KPNA7: variants seen among roughly 807,000 people sequenced by gnomAD.
The protein encoded by KPNA7 is karyopherin subunit alpha 7.
In KPNA7, 54 loss-of-function variants were observed where a neutral mutation model predicts 53.7. The ratio of observed to expected loss-of-function variants is 1.01; its 90% CI spans 0.81 to 1.26. The LOEUF (loss-of-function observed/expected upper bound fraction) is 1.26, where lower values mean the gene tolerates loss of function less well. KPNA7 is among the 50% of genes most tolerant of loss of function. KPNA7 has a pLI of 0.00. For missense variants in KPNA7, 640 were observed against 644.5 expected (o/e 0.99, Z 0.07); for synonymous variants, 276 against 259.3 (o/e 1.06, Z -0.62).
Position 99,188,430 on chromosome 7 carries a change from A to G in KPNA7, c.770T>C (p.Val257Ala). Residue 257 changes from valine to alanine, a missense_variant, in exon 7 of 11, where the codon GTT (valine) becomes GCT (alanine). Physicochemically the swap from Val to Ala is moderately conservative, Grantham distance 64 (BLOSUM62 0). Transcript: ENST00000327442. The part of the protein sequence containing the change: ...LHLLQHQDSE[V>A]LSDACWALSY... ...CAGTGCCCAGCAGGCATCCGAGAGA[A>G]CCTCACTGTCCTGGTGCTGCAGGAG... is the stretch of plus-strand genomic sequence containing the variant. The G allele has an allele frequency of 1.3e-6, 2 of 1,551,526 alleles. No individual in the cohort carries two copies. Among genetic ancestry groups the G allele is most frequent in the Non-Finnish European group, 1.7e-6 (2 of 1,146,978 alleles).
At chr7:99,216,164 G>A (rs1295307708) in intron 1 of KPNA7, among the ~76,000 whole-genome samples, 2 of 151,662 alleles carry the variant, frequency 1.3e-5, no homozygotes, top group African/African-American at 4.8e-5. Context: ...AGGAGCTGGG[G>A]CTACAGGCAC....
the KPNA7 span, among the ~76,000 whole-genome samples, chr7:99,167,176 T>A: frequency 6.6e-6 from 1 of 152,178 alleles, no homozygotes; most frequent in Non-Finnish European, 1.5e-5. Flanking sequence ...TGGAGCCAGC[T>A]CCCACCTCTG....
intron 7 of KPNA7, among the ~76,000 whole-genome samples, chr7:99,187,400 T>TG (rs1177574243): frequency 1.3e-5 from 2 of 150,678 alleles, no homozygotes; most frequent in East Asian, 1.9e-4. Context: ...AATGGGTTGT[T>TG]TTTTTTTTTA....
intron 6 of KPNA7, among the ~76,000 whole-genome samples, chr7:99,190,252 G>T (rs376173191): frequency 6.7e-6 from 1 of 150,116 alleles, no homozygotes; most frequent in African/African-American, 2.5e-5. Context: ...CAGAAGAATC[G>T]CTTGAACCCA....
rs1215366834 is a variant in KPNA7, at chr7:99,185,832, C to A, written c.901-670G>T. 2.6e-5 allele frequency among the ~76,000 whole-genome samples: 4 copies of A among 152,014 alleles called. No homozygotes were observed. In the East Asian group the frequency reaches 5.8e-4, roughly 22 times the overall value. ...TTTTGAGACAAGGTCTTGCTGTCAC[C>A]CAGACTGGAGTATAGTGGTACGATT... On this transcript the variant is annotated intron_variant, in intron 7 of 10. Coordinates refer to ENST00000327442, the MANE Select transcript of KPNA7 (RefSeq NM_001145715.3).
upstream of KPNA7, among the ~76,000 whole-genome samples, chr7:99,210,448 A>G (rs1791036302): frequency 6.6e-6 from 1 of 152,134 alleles, no homozygotes; most frequent in Non-Finnish European, 1.5e-5. Context: ...TTCACAACAC[A>G]TGACAAAGTA....
chr7:99,199,180 C>T (rs1288590759), intron 3 of KPNA7, among the ~76,000 whole-genome samples: 3 of 151,428 alleles, frequency 2.0e-5, no homozygotes, highest in Non-Finnish European at 4.4e-5. Context: ...TTCAATGACT[C>T]CATTCTATAG....
At chr7:99,201,301 G>T (rs1016802378) in intron 3 of KPNA7, among the ~76,000 whole-genome samples, 9 of 152,104 alleles carry the variant, frequency 5.9e-5, no homozygotes, top group African/African-American at 2.2e-4. Flanking sequence ...TTGTGACTAT[G>T]CTAGAAACCA....
intron 5 of KPNA7, among the ~76,000 whole-genome samples, chr7:99,193,498 C>G (rs569048584): frequency 1.3e-5 from 2 of 152,288 alleles, no homozygotes; most frequent in South Asian, 4.2e-4. Context: ...GGTGACCAGC[C>G]ATCAGCTACC....
At chr7:99,202,818 C>G (rs1790612617) in intron 3 of KPNA7, among the ~76,000 whole-genome samples, 1 of 152,028 alleles carries the variant, frequency 6.6e-6, no homozygotes, top group Non-Finnish European at 1.5e-5. Flanking sequence ...AGCACTCTAT[C>G]CTGGGTGACA....
the KPNA7 span, among the ~76,000 whole-genome samples, chr7:99,153,392 T>G: frequency 6.6e-6 from 1 of 151,946 alleles, no homozygotes; most frequent in Non-Finnish European, 1.5e-5. Context: ...ACCCCATCTC[T>G]ACAAAGATAC....
At position 99,193,320 on chromosome 7, in the gene KPNA7, T is replaced by C. The variant is rs564234308; in HGVS notation, c.554-219A>G. Among the ~76,000 whole-genome samples the C allele has an allele frequency of 3.3e-5, 5 of 152,320 alleles. No homozygotes were observed. In the East Asian group the frequency reaches 9.6e-4, roughly 29 times the overall value. ...GCAGGCATCACACAGCAGCAACTGCTAGAAGCAGAGCCAGCCAACTCAGCC... is the reference window on the plus strand; with the variant it reads ...GCAGGCATCACACAGCAGCAACTGCCAGAAGCAGAGCCAGCCAACTCAGCC... On this transcript the variant is annotated intron_variant, in intron 5 of 10. Coordinates refer to ENST00000327442, the MANE Select transcript of KPNA7 (RefSeq NM_001145715.3).
intron 5 of KPNA7, 48 bp downstream of exon 5, chr7:99,195,022 C>CCA: frequency 6.5e-7 from 1 of 1,536,866 alleles, no homozygotes; most frequent in Non-Finnish European, 8.8e-7. Flanking sequence ...TTATAGTATC[C>CCA]CACACACCTG....
At chr7:99,162,226 C>T in the KPNA7 span, among the ~76,000 whole-genome samples, 1 of 151,720 alleles carries the variant, frequency 6.6e-6, no homozygotes, top group Non-Finnish European at 1.5e-5. Flanking sequence ...GTATTTTTAG[C>T]AGAGACAGGG....
At chr7:99,188,652 T>A in intron 6 of KPNA7, 89 bp from the exon 7 acceptor site, 1 of 1,277,926 alleles carries the variant, frequency 7.8e-7, no homozygotes, top group Non-Finnish European at 1.1e-6. Context: ...ATCAATACCA[T>A]AGATCAGCAT....
chr7:99,204,700 A>C (rs1438424501), intron 2 of KPNA7, among the ~76,000 whole-genome samples: 129 of 151,906 alleles, frequency 8.5e-4, no homozygotes, highest in Non-Finnish European at 8.8e-5. Flanking sequence ...ACATAGTGAG[A>C]CCCTGTCTCT....
chr7:99,185,627 G>A (rs1215011229), intron 7 of KPNA7, among the ~76,000 whole-genome samples: 1 of 151,918 alleles, frequency 6.6e-6, no homozygotes, highest in African/African-American at 2.4e-5. Flanking sequence ...CACTGTGCCT[G>A]GCCCATGGAT....
chr7:99,176,509 G>C (rs1393929641), intron 10 of KPNA7, among the ~76,000 whole-genome samples: 1 of 152,090 alleles, frequency 6.6e-6, no homozygotes, highest in Non-Finnish European at 1.5e-5. Flanking sequence ...CTGTGGAAAA[G>C]AGCGTGGTAG....
At chr7:99,166,501 G>C in the KPNA7 span, among the ~76,000 whole-genome samples, 1 of 152,156 alleles carries the variant, frequency 6.6e-6, no homozygotes, top group African/African-American at 2.4e-5. Context: ...TTTTAGTAGA[G>C]ATGGGGTTTC....
Sources: gnomAD v4.1 joint callset for allele counts (sites outside exome capture counted in the v4.1 genomes callset) on GRCh38, gnomAD v4.1.1 for gene constraint, MANE v1.5 for transcripts, NCBI Gene and HGNC (gene_info 2026-07-23, HGNC 2026-07-21) for gene names.